FANK1: variants seen among roughly 807,000 people sequenced by gnomAD.
The protein encoded by FANK1 is fibronectin type 3 and ankyrin repeat domains protein 1.
Under a neutral mutation model 45.3 loss-of-function variants are expected in FANK1, and 44 were observed. That is an observed-to-expected ratio of 0.97 (90% CI 0.76 to 1.25). FANK1 has a LOEUF of 1.25. Among genes scored for constraint, FANK1 ranks in the 50% most tolerant of loss-of-function variants. The pLI, the probability that FANK1 is intolerant of heterozygous loss-of-function variation, is 0.00. For synonymous variants in FANK1, 149 were observed against 152.5 expected (o/e 0.98, Z 0.17); for missense variants, 391 against 424.4 (o/e 0.92, Z 0.69).
chr10:125,960,442 C>T (rs10901483), intron 1 of FANK1: 67,386 of 177,066 alleles, frequency 0.38, 13,353 homozygotes, highest in Non-Finnish European at 0.45. Flanking sequence ...GGTTGAGCCA[C>T]GCTAGGCGGG....
intron 4 of FANK1, 54 bp downstream of exon 4, chr10:125,995,552 A>T: frequency 1.3e-6 from 2 of 1,503,360 alleles, no homozygotes; most frequent in Non-Finnish European, 1.9e-6. Flanking sequence ...AAGTGCATAG[A>T]AATACATGCA....
At chr10:125,986,643 T>G (rs1454967873) in intron 2 of FANK1, among the ~76,000 whole-genome samples, 1 of 152,156 alleles carries the variant, frequency 6.6e-6, no homozygotes. Flanking sequence ...TTTCTCAGAC[T>G]GCCTGGGAGA....
At chr10:125,993,203 A>G (rs1320191163) in intron 3 of FANK1, among the ~76,000 whole-genome samples, 2 of 152,206 alleles carry the variant, frequency 1.3e-5, no homozygotes, top group East Asian at 1.9e-4. Flanking sequence ...AATGAGCTTT[A>G]TATGTTGTTA....
chr10:125,905,220 G>A (rs112847264), intron 1 of FANK1, among the ~76,000 whole-genome samples: 3 of 152,386 alleles, frequency 2.0e-5, no homozygotes, highest in Admixed American at 6.5e-5. Context: ...TCACTGGAAC[G>A]TGACTGTGAA....
intron 1 of FANK1, chr10:125,973,495 G>T: frequency 1.0e-6 from 1 of 982,548 alleles, no homozygotes. Flanking sequence ...CACAGTAAGA[G>T]GTCAGTGTCT....
chr10:125,993,524 C>T (rs1246392258), intron 3 of FANK1, among the ~76,000 whole-genome samples: 1 of 152,184 alleles, frequency 6.6e-6, no homozygotes, highest in Non-Finnish European at 1.5e-5. Flanking sequence ...TAGCAGGTTC[C>T]TTGGCCTCTA....
rs112786085 is a variant in FANK1, at chr10:125,992,398, G to A, written c.317-3019G>A. Among the ~76,000 whole-genome samples, 185 of 152,266 alleles carry A rather than the reference G, an allele frequency of 1.2e-3. 1 individual carries two copies. The highest frequency in any genetic ancestry group is 4.0e-3 in the African/African-American group (166 of 41,550). Reference sequence around the variant, plus strand: ...TCCCTCTTGGTAGTAGCGTGAGGACGATTAAGGAGTTAACACTGAGAAAGA... The same window carrying A: ...TCCCTCTTGGTAGTAGCGTGAGGACAATTAAGGAGTTAACACTGAGAAAGA... On this transcript the variant is annotated intron_variant, in intron 3 of 10. Transcript: ENST00000368693.
intron 1 of FANK1, among the ~76,000 whole-genome samples, chr10:125,929,682 G>T (rs903461771): frequency 6.6e-6 from 1 of 152,160 alleles, no homozygotes; most frequent in Non-Finnish European, 1.5e-5. Context: ...GCGTGTGCAG[G>T]TTCTTGGCAT....
chr10:125,911,389 C>T (rs931569678), intron 1 of FANK1, among the ~76,000 whole-genome samples: 4 of 152,218 alleles, frequency 2.6e-5, no homozygotes, highest in African/African-American at 7.2e-5. Context: ...GACTTCTGAC[C>T]TCTGGGCTCA....
rs1158473362 is a variant in FANK1 at position 125,896,598 on chromosome 10, T to TA, written c.-44dup. 7.9e-7 allele frequency: 1 copy of TA among 1,269,698 alleles called. No individual in the cohort carries two copies. The highest frequency in any genetic ancestry group is 1.5e-5 in the African/African-American group (1 of 65,488). The allele number at this position is 1,269,698 out of a possible 1,614,324, so 78.7% of individuals were successfully genotyped here. ...GACGCCGGCCCTGGCTGAGAGGCGT[T>TA]AGGAGTCCGGGGGTTCGCCCGCGGA... On this transcript the variant is annotated 5_prime_UTR_variant, in exon 1 of 11. Transcript: ENST00000368693.
At chr10:125,912,486 G>A (rs1282135038) in intron 1 of FANK1, among the ~76,000 whole-genome samples, 4 of 126,778 alleles carry the variant, frequency 3.2e-5, no homozygotes, top group Admixed American at 1.7e-4. Flanking sequence ...GTGTGTGTGT[G>A]TTTTTGAGAT....
intron 1 of FANK1, among the ~76,000 whole-genome samples, chr10:125,919,771 T>C (rs199881155): frequency 0.083 from 12,711 of 152,230 alleles, 673 homozygotes; most frequent in South Asian, 0.24. Flanking sequence ...TATTTTCTCA[T>C]TTGGCACTTC....
chr10:125,987,054 G>C (rs1951608983), intron 2 of FANK1, among the ~76,000 whole-genome samples: 1 of 152,148 alleles, frequency 6.6e-6, no homozygotes, highest in Non-Finnish European at 1.5e-5. Context: ...GTTTTCAAGT[G>C]TTTATTAGTG....
chr10:125,910,291 T>A (rs1437012807), intron 1 of FANK1, among the ~76,000 whole-genome samples: 1 of 152,244 alleles, frequency 6.6e-6, no homozygotes, highest in Non-Finnish European at 1.5e-5. Context: ...TTATCCCCCA[T>A]CTATAACTTT....
chr10:125,956,211 G>GT (rs1564911524), intron 1 of FANK1, among the ~76,000 whole-genome samples: 2 of 139,214 alleles, frequency 1.4e-5, no homozygotes, highest in African/African-American at 2.6e-5. Flanking sequence ...TTGGGGGGGG[G>GT]GCGGTGGTGG....
At chr10:125,903,451 C>A (rs944578443) in intron 1 of FANK1, among the ~76,000 whole-genome samples, 2 of 152,266 alleles carry the variant, frequency 1.3e-5, no homozygotes, top group Admixed American at 1.3e-4. Context: ...TGCCCCAGAC[C>A]TTTCCTGGTT....
At chr10:125,991,278 T>TGTGTGTGTGTGTGTGTGTGTGTGTGTG (rs60170742) in intron 3 of FANK1, among the ~76,000 whole-genome samples, 2 of 147,070 alleles carry the variant, frequency 1.4e-5, no homozygotes, top group African/African-American at 5.1e-5. Flanking sequence ...TGTGTGTGTG[T>TGTGTGTGTGTGTGTGTGTGTGTGTGTG]TGGGGGAGTG....
In FANK1 at chr10:125,988,539, C is replaced by T; in HGVS notation, c.192-12C>T. 1 of 1,612,796 alleles carries T rather than the reference C, an allele frequency of 6.2e-7. No individual in the cohort carries two copies. Among genetic ancestry groups the T allele is most frequent in the Non-Finnish European group, 8.5e-7 (1 of 1,179,028 alleles). ...CCTGGTGTTATCAGCATGTTTGTCT[C>T]CTCCTGTCTAGGGGATATGCAACGA... On this transcript the variant is annotated splice_polypyrimidine_tract_variant and intron_variant, in intron 2 of 10. Coordinates refer to ENST00000368693, the MANE Select transcript of FANK1 (RefSeq NM_145235.5).
At chr10:125,956,570 A>G (rs1366649718) in intron 1 of FANK1, among the ~76,000 whole-genome samples, 1 of 152,206 alleles carries the variant, frequency 6.6e-6, no homozygotes, top group African/African-American at 2.4e-5. Flanking sequence ...TACCACAGGT[A>G]CATGAAATGT....
Sources: gnomAD v4.1 joint callset for allele counts (sites outside exome capture counted in the v4.1 genomes callset) on GRCh38, gnomAD v4.1.1 for gene constraint, MANE v1.5 for transcripts, NCBI Gene and HGNC (gene_info 2026-07-23, HGNC 2026-07-21) for gene names.